Variants in VAV2 observed in about 807,000 individuals in gnomAD.
VAV2 encodes guanine nucleotide exchange factor VAV2.
Under a neutral mutation model 132.5 loss-of-function variants are expected in VAV2, and 67 were observed. The observed-to-expected ratio is 0.51, with a 90% CI of 0.42 to 0.62. The LOEUF is 0.62. Among genes scored for constraint, VAV2 ranks in the 20% least tolerant of loss-of-function variants. The pLI is 0.00. For synonymous variants in VAV2, 492 were observed against 443.5 expected (o/e 1.11, Z -1.37); for missense variants, 938 against 1,153.6 (o/e 0.81, Z 2.71).
intron 2 of VAV2, among the ~76,000 whole-genome samples, chr9:133,937,044 T>C (rs1468395787): frequency 1.3e-5 from 2 of 152,240 alleles, no homozygotes; most frequent in African/African-American, 2.4e-5. Context: ...CATTCCGCCA[T>C]AGCAAATTAA....
Position 133,834,527 on chromosome 9 carries a change from T to C in VAV2, c.381-187A>G, listed in dbSNP as rs556563190. ...GTCACAGGACGAGCCAACTGGGCCATAGGGCAAGAGGAGACCCATGCCTAC... is the reference window on the plus strand; with the variant it reads ...GTCACAGGACGAGCCAACTGGGCCACAGGGCAAGAGGAGACCCATGCCTAC... On this transcript the variant is annotated intron_variant, in intron 3 of 29. Transcript: ENST00000371850. This position sits in a 1 kb window ranked among gnomAD's most constrained non-coding sequence, Gnocchi z 5.9. 3.3e-5 allele frequency among the ~76,000 whole-genome samples: 5 copies of C among 152,214 alleles called. No individual in the cohort carries two copies. Among genetic ancestry groups the C allele is most frequent in the Non-Finnish European group, 7.3e-5 (5 of 68,032 alleles).
chr9:133,908,813 A>G, intron 2 of VAV2, among the ~76,000 whole-genome samples: 1 of 152,192 alleles, frequency 6.6e-6, no homozygotes, highest in East Asian at 1.9e-4. Context: ...CGGACTTCCA[A>G]CCGCTTGCCT....
At chr9:133,846,371 A>T (rs1836935670) in intron 3 of VAV2, among the ~76,000 whole-genome samples, 1 of 152,006 alleles carries the variant, frequency 6.6e-6, no homozygotes, top group Non-Finnish European at 1.5e-5. Context: ...CCCGACCCAC[A>T]ACCCTCCGCC....
At position 133,857,566 on chromosome 9, in the gene VAV2, T is replaced by C. The variant is rs1460131617; in HGVS notation, c.380+3808A>G. Among the ~76,000 whole-genome samples, 1 of 151,816 alleles carries C rather than the reference T, an allele frequency of 6.6e-6. No individual in the cohort carries two copies. Among genetic ancestry groups the C allele is most frequent in the African/African-American group, 2.4e-5 (1 of 41,300 alleles). ...TTGTGGGTTTTCAAGAAGGAAAGGG[T>C]TGTGTTAAACTAGAACCTTTTGCTA... is the stretch of plus-strand genomic sequence containing the variant. On this transcript the variant is annotated intron_variant, in intron 3 of 29. Transcript: ENST00000371850. The surrounding 1 kb of genome is among the most constrained non-coding windows in gnomAD (Gnocchi z 4.0).
At chr9:133,774,337 G>A (rs1000437575) in intron 25 of VAV2, among the ~76,000 whole-genome samples, 11 of 152,182 alleles carry the variant, frequency 7.2e-5, no homozygotes, top group African/African-American at 2.7e-4. Flanking sequence ...GCACACAGAA[G>A]GCTTTCTGAG....
At chr9:133,871,436 T>TGGATGGATG (rs1554796203) in intron 2 of VAV2, among the ~76,000 whole-genome samples, 63 of 135,514 alleles carry the variant, frequency 4.6e-4, no homozygotes, top group South Asian at 4.5e-3. Context: ...ATGGATGGAT[T>TGGATGGATG]GATTGATGGA....
rs959882620 is a variant in VAV2, at chr9:133,788,884, G to A, written c.1274+374C>T. Among the ~76,000 whole-genome samples, 2 of 152,176 alleles carry A rather than the reference G, an allele frequency of 1.3e-5. No homozygotes were observed. Among genetic ancestry groups the A allele is most frequent in the Non-Finnish European group, 2.9e-5 (2 of 68,024 alleles). Reference sequence around the variant, plus strand: ...CAGCACACAGTAGGTGCACAAGGAGGGCCCTGGACAAGCCTGGGCCACCGT... The same window carrying A: ...CAGCACACAGTAGGTGCACAAGGAGAGCCCTGGACAAGCCTGGGCCACCGT... On this transcript the variant is annotated intron_variant, in intron 14 of 29. Coordinates refer to ENST00000371850, the MANE Select transcript of VAV2 (RefSeq NM_001134398.2). This position sits in a 1 kb window ranked among gnomAD's most constrained non-coding sequence, Gnocchi z 5.3.
rs1027964677 is a variant in VAV2, at chr9:133,857,719, G to A, written c.380+3655C>T. Among the ~76,000 whole-genome samples, 3 of 152,194 alleles carry A rather than the reference G, an allele frequency of 2.0e-5. No homozygotes were observed. The highest frequency in any genetic ancestry group is 1.9e-4 in the East Asian group (1 of 5,182). On this transcript the variant is annotated intron_variant, in intron 3 of 29. Coordinates refer to ENST00000371850, the MANE Select transcript of VAV2 (RefSeq NM_001134398.2). The surrounding 1 kb of genome is among the most constrained non-coding windows in gnomAD (Gnocchi z 4.0). The stretch of plus-strand genomic sequence containing the variant: ...GAGCAAGGTGGGACATTGCTCAGAC[G>A]CAGCCACCAAGTGGGGCTGCCTGGG...
intron 4 of VAV2, among the ~76,000 whole-genome samples, chr9:133,828,304 AGTGGGG>A (rs1209965165): frequency 3.3e-5 from 2 of 60,784 alleles, no homozygotes; most frequent in African/African-American, 1.3e-4. Context: ...CTGACCACTG[AGTGGGG>A]GCATCACCAC....
chr9:133,808,989 A>G (rs1421215431), intron 7 of VAV2, 51 bp downstream of exon 7: 3 of 1,543,740 alleles, frequency 1.9e-6, no homozygotes, highest in African/African-American at 1.4e-5. Context: ...GTGGCCCTGC[A>G]GTGACCACAG....
intron 2 of VAV2, among the ~76,000 whole-genome samples, chr9:133,909,219 T>G (rs71505239): frequency 0.17 from 25,687 of 150,290 alleles, 2,381 homozygotes; most frequent in Middle Eastern, 0.24. Flanking sequence ...CATGGGGAGG[T>G]TGGGCTGGGT....
At chr9:133,938,069 C>T (rs545625336) in intron 2 of VAV2, among the ~76,000 whole-genome samples, 3 of 152,378 alleles carry the variant, frequency 2.0e-5, no homozygotes, top group South Asian at 2.1e-4. Flanking sequence ...TGCGCCACTG[C>T]AAACCCAAAT....
chr9:133,986,073 T>A (rs1230663521), intron 1 of VAV2, among the ~76,000 whole-genome samples: 2 of 152,120 alleles, frequency 1.3e-5, no homozygotes, highest in Non-Finnish European at 2.9e-5. Flanking sequence ...TCAAGATATT[T>A]ATATTGACTC....
At chr9:133,871,935 C>G (rs78874136) in intron 2 of VAV2, among the ~76,000 whole-genome samples, 1 of 152,190 alleles carries the variant, frequency 6.6e-6, no homozygotes, top group South Asian at 2.1e-4. Flanking sequence ...CAGCTAGACC[C>G]TGGCTCCATG....
At chr9:133,966,725 T>TA (rs965752759) in intron 1 of VAV2, among the ~76,000 whole-genome samples, 15 of 147,748 alleles carry the variant, frequency 1.0e-4, no homozygotes, top group South Asian at 2.1e-4. Flanking sequence ...TTTAAAACTT[T>TA]AAAAAAAAAA....
rs12351511 is a variant in VAV2, at chr9:133,788,702, G to A, written c.1275-216C>T. On this transcript the variant is annotated intron_variant, in intron 14 of 29. Transcript: ENST00000371850. The surrounding 1 kb of genome is among the most constrained non-coding windows in gnomAD (Gnocchi z 5.3). ...AAGCCTTCCTTGGCTCCCTACCCCC[G>A]TGACTGAGGCTGTGCCAGGAGCCCT... Among the ~76,000 whole-genome samples, 1,318 of 152,126 alleles carry A rather than the reference G, an allele frequency of 8.7e-3. 17 individuals carry two copies. Among genetic ancestry groups the A allele is most frequent in the African/African-American group, 0.029 (1,206 of 41,514 alleles).
At chr9:133,882,366 C>T (rs917814270) in intron 2 of VAV2, among the ~76,000 whole-genome samples, 3 of 152,250 alleles carry the variant, frequency 2.0e-5, no homozygotes, top group African/African-American at 7.2e-5. Flanking sequence ...CACAGCCAGC[C>T]GACATCTGTA....
At chr9:133,985,274 G>GTT (rs1258724967) in intron 1 of VAV2, among the ~76,000 whole-genome samples, 1 of 109,100 alleles carries the variant, frequency 9.2e-6, no homozygotes, top group East Asian at 2.8e-4. Flanking sequence ...GTGTGTGTGT[G>GTT]TTTTGTTTTT....
chr9:133,975,226 G>A (rs1371455303), intron 1 of VAV2, among the ~76,000 whole-genome samples: 1 of 151,972 alleles, frequency 6.6e-6, no homozygotes, highest in Non-Finnish European at 1.5e-5. Context: ...CATGTCCATG[G>A]CCTCCCCCAC....
Sources: allele counts gnomAD v4.1 joint callset (sites outside exome capture counted in the v4.1 genomes callset), GRCh38; gene constraint gnomAD v4.1.1; non-coding constraint Gnocchi (gnomAD v3.1); transcripts MANE v1.5; gene names NCBI Gene and HGNC (gene_info 2026-07-23, HGNC 2026-07-21).